FOXN3: variants seen among roughly 807,000 people sequenced by gnomAD.
The protein encoded by FOXN3 is forkhead box N3, also known as forkhead box protein N3.
In FOXN3, 7 loss-of-function variants were observed where a neutral mutation model predicts 38.4. The observed-to-expected ratio is 0.18, with a 90% CI of 0.10 to 0.34. The LOEUF is 0.34. Among genes scored for constraint, FOXN3 ranks in the 10% least tolerant of loss-of-function variants. The pLI is 1.00. For missense variants in FOXN3, 456 were observed against 613.4 expected, an observed-to-expected ratio of 0.74 and a Z score of 2.71; for synonymous variants, 230 against 242.2, an observed-to-expected ratio of 0.95 and a Z score of 0.47.
chr14:89,549,676 G>A (rs777831135), intron 1 of FOXN3, among the ~76,000 whole-genome samples: 4 of 152,204 alleles, frequency 2.6e-5, no homozygotes, highest in Admixed American at 6.5e-5. Context: ...GTTTCCATCT[G>A]ATGGTTCAAA....
At chr14:89,240,465 C>A (rs1383957534) in intron 4 of FOXN3, among the ~76,000 whole-genome samples, 1 of 152,222 alleles carries the variant, frequency 6.6e-6, no homozygotes, top group Non-Finnish European at 1.5e-5. Context: ...TGCCCACTAC[C>A]AGTGGTGGCT....
intron 2 of FOXN3, among the ~76,000 whole-genome samples, chr14:89,407,521 T>C (rs186518565): frequency 1.3e-5 from 2 of 152,308 alleles, no homozygotes; most frequent in Admixed American, 1.3e-4. Context: ...GAATTGTAAA[T>C]GTCATCTGCT....
At chr14:89,174,608 G>T (rs919280434) in intron 5 of FOXN3, among the ~76,000 whole-genome samples, 38 of 152,156 alleles carry the variant, frequency 2.5e-4, no homozygotes, top group African/African-American at 8.9e-4. Context: ...ACTTTCAAAG[G>T]CATTAACGAA....
At chr14:89,205,013 G>A (rs929235900) in intron 4 of FOXN3, among the ~76,000 whole-genome samples, 8 of 142,424 alleles carry the variant, frequency 5.6e-5, no homozygotes, top group South Asian at 2.1e-4. Flanking sequence ...TCTGGTGAGC[G>A]AATGGGAAAT....
intron 2 of FOXN3, among the ~76,000 whole-genome samples, chr14:89,384,462 C>A (rs920058878): frequency 1.2e-4 from 19 of 152,204 alleles, no homozygotes; most frequent in African/African-American, 4.3e-4. Flanking sequence ...GAGTCACAGA[C>A]AAGCTACTTA....
intron 1 of FOXN3, among the ~76,000 whole-genome samples, chr14:89,501,719 G>C (rs939008883): frequency 1.3e-5 from 2 of 152,108 alleles, no homozygotes; most frequent in African/African-American, 4.8e-5. Flanking sequence ...AAGCTAGCAG[G>C]GTTTTTAAAA....
chr14:89,609,260 G>A (rs968984847), intron 1 of FOXN3, among the ~76,000 whole-genome samples: 2 of 152,080 alleles, frequency 1.3e-5, no homozygotes, highest in African/African-American at 4.8e-5. Context: ...GGAGTGTAGT[G>A]GCGCAATCAT....
chr14:89,549,606 G>A (rs1894960634), intron 1 of FOXN3, among the ~76,000 whole-genome samples: 1 of 152,104 alleles, frequency 6.6e-6, no homozygotes, highest in Non-Finnish European at 1.5e-5. Flanking sequence ...ACTAGTCCAA[G>A]GTGGGGGCGG....
In FOXN3 at chr14:89,164,367, T is replaced by C. The variant is rs575223289; in HGVS notation, c.852-1398A>G. Reference sequence around the variant, plus strand: ...GGATGGGAACTGTTCTATGGCACCATGCTGGCCCGGTTTCCTGTAAGCTCA... The same window carrying C: ...GGATGGGAACTGTTCTATGGCACCACGCTGGCCCGGTTTCCTGTAAGCTCA... On this transcript the variant is annotated intron_variant, in intron 5 of 5. Transcript: ENST00000557258. The surrounding 1 kb of genome is among the most constrained non-coding windows in gnomAD (Gnocchi z 4.3). Among the ~76,000 whole-genome samples the C allele has an allele frequency of 2.8e-4, 42 of 152,330 alleles. No homozygotes were observed. The highest frequency in any genetic ancestry group is 1.0e-3 in the African/African-American group (42 of 41,570).
chr14:89,363,107 G>A (rs1889941465), intron 2 of FOXN3, among the ~76,000 whole-genome samples: 4 of 152,258 alleles, frequency 2.6e-5, no homozygotes, highest in East Asian at 3.9e-4. Context: ...AGCCCTGGGG[G>A]AGGAAGGGGT....
At position 89,217,018 on chromosome 14, in the gene FOXN3, ACT is replaced by A. The variant is rs1884306117; in HGVS notation, c.746-36214_746-36213del. 2.0e-5 allele frequency among the ~76,000 whole-genome samples: 3 copies of A among 152,078 alleles called. No individual in the cohort carries two copies. The South Asian group carries it at 6.2e-4, about 32-fold the overall frequency. On this transcript the variant is annotated intron_variant, in intron 4 of 5. Coordinates refer to ENST00000557258, the MANE Select transcript of FOXN3 (RefSeq NM_005197.4). ...TGCTGTGCTGATTCTGTTGAAGATA[ACT>A]CTTTAATTTCTCTTTTAGGAGGATC... is the stretch of plus-strand genomic sequence containing the variant.
At chr14:89,561,326 C>T (rs1233989787) in intron 1 of FOXN3, among the ~76,000 whole-genome samples, 1 of 152,222 alleles carries the variant, frequency 6.6e-6, no homozygotes, top group Non-Finnish European at 1.5e-5. Flanking sequence ...AATTCTCTTG[C>T]CTCAGCCTCC....
intron 2 of FOXN3, among the ~76,000 whole-genome samples, chr14:89,408,386 T>G (rs1891447920): frequency 6.6e-6 from 1 of 151,652 alleles, no homozygotes; most frequent in Admixed American, 6.6e-5. Flanking sequence ...GCCTCCTGAG[T>G]AGCTGGGACT....
intron 4 of FOXN3, among the ~76,000 whole-genome samples, chr14:89,278,680 T>G (rs925558411): frequency 6.6e-6 from 1 of 152,226 alleles, no homozygotes; most frequent in African/African-American, 2.4e-5. Context: ...TCGTTCTACT[T>G]GCCCTCAATT....
chr14:89,520,340 C>T lies in FOXN3; in HGVS notation c.-15+98688G>A, dbSNP rs563996167. The stretch of plus-strand genomic sequence containing the variant: ...GCCTTGACCTCCCAGGCTCAAGCAA[C>T]GGGTTTTTTAAAAAAGATTTTTCAC... On this transcript the variant is annotated intron_variant, in intron 1 of 6. Coordinates refer to the FOXN3 transcript ENST00000345097. Among the ~76,000 whole-genome samples the T allele has an allele frequency of 7.8e-4, 118 of 152,252 alleles. 1 individual carries two copies. Among genetic ancestry groups the T allele is most frequent in the Non-Finnish European group, 3.2e-4 (22 of 68,020 alleles).
At chr14:89,597,664 T>C (rs1404858369) in intron 1 of FOXN3, among the ~76,000 whole-genome samples, 3 of 152,144 alleles carry the variant, frequency 2.0e-5, no homozygotes, top group South Asian at 2.1e-4. Flanking sequence ...TATAAGTGAA[T>C]TGAATCTTTC....
At chr14:89,192,514 T>C (rs1243162695) in intron 4 of FOXN3, among the ~76,000 whole-genome samples, 2 of 139,198 alleles carry the variant, frequency 1.4e-5, no homozygotes, top group Admixed American at 1.5e-4. Flanking sequence ...ATAAACTATA[T>C]ATTAGTTTAT....
chr14:89,284,643 C>G, intron 3 of FOXN3: 1 of 448,686 alleles, frequency 2.2e-6, no homozygotes, highest in East Asian at 7.0e-5. Context: ...TTAGCAGAAA[C>G]AATACAACGC....
intron 1 of FOXN3, among the ~76,000 whole-genome samples, chr14:89,536,167 A>C (rs1409535151): frequency 6.6e-6 from 1 of 152,194 alleles, no homozygotes; most frequent in African/African-American, 2.4e-5. Context: ...CCTTGCCAGC[A>C]CTGTGTGGTG....
Sources: allele counts gnomAD v4.1 joint callset (sites outside exome capture counted in the v4.1 genomes callset), GRCh38; gene constraint gnomAD v4.1.1; non-coding constraint Gnocchi (gnomAD v3.1); transcripts MANE v1.5; gene names NCBI Gene and HGNC (gene_info 2026-07-23, HGNC 2026-07-21).